The following RGS6 variants were observed in gnomAD, a reference collection of about 807,000 sequenced individuals.
RGS6 encodes regulator of G-protein signaling 6.
RGS6 carries 30 observed loss-of-function variants against 78.5 expected under a neutral mutation model. The ratio of observed to expected loss-of-function variants is 0.38; its 90% CI spans 0.29 to 0.52. The LOEUF is 0.52. Among genes scored for constraint, RGS6 ranks in the 20% least tolerant of loss-of-function variants. The pLI, the probability that RGS6 is intolerant of heterozygous loss-of-function variation, is 0.85. For missense variants in RGS6, 495 were observed against 609.7 expected, an observed-to-expected ratio of 0.81 and a Z score of 1.98; for synonymous variants, 206 against 206.0, an observed-to-expected ratio of 1.00 and a Z score of 0.00.
intron 2 of RGS6, among the ~76,000 whole-genome samples, chr14:72,080,204 G>A (rs188205326): frequency 1.1e-4 from 16 of 152,052 alleles, no homozygotes; most frequent in Non-Finnish European, 1.5e-4. Flanking sequence ...ATTATCTTTC[G>A]TCTTTTTGAT....
At chr14:72,042,393 T>C (rs1344631307) in intron 2 of RGS6, among the ~76,000 whole-genome samples, 1 of 152,150 alleles carries the variant, frequency 6.6e-6, no homozygotes, top group Non-Finnish European at 1.5e-5. Context: ...CCTCACAAAG[T>C]GCTGGGATTA....
At chr14:72,210,514 G>T (rs2043842983) in intron 2 of RGS6, among the ~76,000 whole-genome samples, 1 of 152,116 alleles carries the variant, frequency 6.6e-6, no homozygotes, top group Non-Finnish European at 1.5e-5. Flanking sequence ...AAAGAAAGAA[G>T]AGTGTTTTAT....
the RGS6 span, chr14:72,595,031 A>G: frequency 2.0e-5 from 3 of 152,164 alleles, no homozygotes; most frequent in Admixed American, 6.5e-5. Context: ...CCATATTTTC[A>G]TAGTCTTTGC....
At chr14:72,515,098 G>A (rs964153409) in intron 14 of RGS6, among the ~76,000 whole-genome samples, 3 of 152,232 alleles carry the variant, frequency 2.0e-5, no homozygotes, top group African/African-American at 7.2e-5. Context: ...CAGTTTTGCT[G>A]TTGCCTGAGA....
chr14:72,622,127 T>A, the RGS6 span, among the ~76,000 whole-genome samples: 2 of 152,214 alleles, frequency 1.3e-5, no homozygotes, highest in Non-Finnish European at 2.9e-5. Context: ...CTTGAAATGA[T>A]ACACACAATT....
At chr14:72,215,478 A>ACACT in intron 2 of RGS6, among the ~76,000 whole-genome samples, 1 of 152,328 alleles carries the variant, frequency 6.6e-6, no homozygotes, top group Non-Finnish European at 1.5e-5. Context: ...CAGAAAGGGT[A>ACACT]CACTCACCAG....
chr14:72,205,160 A>T (rs971957984), intron 2 of RGS6, among the ~76,000 whole-genome samples: 4 of 152,172 alleles, frequency 2.6e-5, no homozygotes, highest in African/African-American at 9.7e-5. Flanking sequence ...CCTCCCCTGG[A>T]CAGTGTTGAG....
intron 2 of RGS6, among the ~76,000 whole-genome samples, chr14:72,239,239 G>A (rs1361278720): frequency 6.6e-6 from 1 of 152,128 alleles, no homozygotes; most frequent in Admixed American, 6.5e-5. Flanking sequence ...TTACCTTTGG[G>A]AATTGTGCAC....
Position 71,981,519 on chromosome 14 carries a change from G to A in RGS6, c.84+16644G>A, listed in dbSNP as rs545609915. Among the ~76,000 whole-genome samples the A allele has an allele frequency of 3.0e-3, 460 of 151,578 alleles. 1 individual carries two copies. Among genetic ancestry groups the A allele is most frequent in the African/African-American group, 1.0e-2 (411 of 41,248 alleles). On this transcript the variant is annotated intron_variant, in intron 2 of 17. Transcript: ENST00000553525. ...TGCAGGTCTGTTGGAATACCCGGCC[G>A]TGTGAGGTGTCAGTGTGCCCCTGCT...
At chr14:72,317,253 C>T (rs887845846) in intron 2 of RGS6, among the ~76,000 whole-genome samples, 36 of 151,780 alleles carry the variant, frequency 2.4e-4, no homozygotes, top group African/African-American at 8.7e-4. Context: ...ATAATAATAA[C>T]AATAATAATA....
intron 2 of RGS6, among the ~76,000 whole-genome samples, chr14:72,218,848 G>A (rs1451215927): frequency 1.3e-5 from 2 of 152,004 alleles, no homozygotes; most frequent in Non-Finnish European, 2.9e-5. Context: ...TTGACCTCAT[G>A]ATCCACCCAC....
intron 2 of RGS6, among the ~76,000 whole-genome samples, chr14:72,144,078 A>T (rs372954676): frequency 1.3e-5 from 2 of 152,170 alleles, no homozygotes; most frequent in East Asian, 1.9e-4. Context: ...ATCTTGAAAG[A>T]ATGATGCCCC....
the RGS6 span, among the ~76,000 whole-genome samples, chr14:71,913,450 C>T: frequency 5.3e-5 from 8 of 152,184 alleles, no homozygotes; most frequent in African/African-American, 9.7e-5. Context: ...GTGGCTCTCA[C>T]GGTCTTAGGT....
At chr14:72,156,316 C>T (rs910601968) in intron 2 of RGS6, among the ~76,000 whole-genome samples, 18 of 151,692 alleles carry the variant, frequency 1.2e-4, no homozygotes, top group Non-Finnish European at 1.8e-4. Flanking sequence ...CGTGGTGGCA[C>T]GGGCCTGTAA....
At chr14:72,485,745 G>T (rs746436637) in intron 12 of RGS6, among the ~76,000 whole-genome samples, 2 of 152,200 alleles carry the variant, frequency 1.3e-5, no homozygotes, top group Non-Finnish European at 2.9e-5. Flanking sequence ...ATTGAACCCT[G>T]GGAAAGGCAG....
At chr14:72,501,476 C>T (rs1216112276) in intron 13 of RGS6, among the ~76,000 whole-genome samples, 3 of 152,152 alleles carry the variant, frequency 2.0e-5, no homozygotes, top group South Asian at 2.1e-4. Flanking sequence ...GATCGCACCA[C>T]TCCACTCCCG....
At chr14:72,294,338 G>T (rs1418582659) in intron 2 of RGS6, among the ~76,000 whole-genome samples, 1 of 152,228 alleles carries the variant, frequency 6.6e-6, no homozygotes. Flanking sequence ...GGAGTAGGTG[G>T]TGGGAGCAAT....
rs550691265 is a variant in RGS6 at position 71,972,368 on chromosome 14, AC to A, written c.84+7496del. Among the ~76,000 whole-genome samples, 166 of 151,386 alleles carry A rather than the reference AC, an allele frequency of 1.1e-3. 1 individual carries two copies. Among genetic ancestry groups the A allele is most frequent in the African/African-American group, 3.8e-3 (155 of 41,238 alleles). On this transcript the variant is annotated intron_variant, in intron 2 of 17. Transcript: ENST00000553525. ...TGTTTTTTTTTTATAATTTCCCTGT[AC>A]CCTAGAACTCCTTTAAACTTGGTCC...
At chr14:72,098,568 TTGAC>T (rs1233626913) in intron 2 of RGS6, among the ~76,000 whole-genome samples, 1 of 152,236 alleles carries the variant, frequency 6.6e-6, no homozygotes, top group African/African-American at 2.4e-5. Flanking sequence ...TATATTTTGA[TTGAC>T]AGGCACAGGA....
Sources: gnomAD v4.1 joint callset for allele counts (sites outside exome capture counted in the v4.1 genomes callset) on GRCh38, gnomAD v4.1.1 for gene constraint, MANE v1.5 for transcripts, NCBI Gene and HGNC (gene_info 2026-07-23, HGNC 2026-07-21) for gene names.